Variants in ATP2B4 observed in about 807,000 individuals in gnomAD.
ATP2B4 encodes the protein plasma membrane calcium-transporting ATPase 4.
In ATP2B4, 39 loss-of-function variants were observed where a neutral mutation model predicts 110.3. The observed-to-expected ratio is 0.35, with a 90% CI of 0.27 to 0.46. The LOEUF is 0.46. Ranked by LOEUF, ATP2B4 falls within the 20% of genes least tolerant of loss-of-function variation. The pLI is 1.00. For synonymous variants in ATP2B4, 538 were observed against 571.7 expected (o/e 0.94, Z 0.84); for missense variants, 1,135 against 1,530.9 (o/e 0.74, Z 4.32).
intron 1 of ATP2B4, among the ~76,000 whole-genome samples, chr1:203,642,301 C>G (rs1354626184): frequency 6.6e-6 from 1 of 152,112 alleles, no homozygotes; most frequent in Non-Finnish European, 1.5e-5. Context: ...TCAGGCTGGT[C>G]TCAAACTTCT....
At chr1:203,717,199 A>G (rs921433190) in intron 15 of ATP2B4, among the ~76,000 whole-genome samples, 3 of 152,276 alleles carry the variant, frequency 2.0e-5, no homozygotes, top group Non-Finnish European at 2.9e-5. Context: ...CTCCATCTCA[A>G]AAAACAAAAG....
intron 2 of ATP2B4, among the ~76,000 whole-genome samples, chr1:203,693,897 G>A (rs1665457996): frequency 6.6e-6 from 1 of 152,202 alleles, no homozygotes; most frequent in African/African-American, 2.4e-5. Flanking sequence ...GGACAAGTTA[G>A]TCACACTAGA....
chr1:203,643,391 T>C (rs1041806154), intron 1 of ATP2B4, among the ~76,000 whole-genome samples: 4 of 152,186 alleles, frequency 2.6e-5, no homozygotes, highest in Non-Finnish European at 4.4e-5. Flanking sequence ...AAGGGTGCTA[T>C]CACTATTTGG....
At chr1:203,702,220 G>T in intron 7 of ATP2B4, 141 bp downstream of exon 7, 1 of 1,121,836 alleles carries the variant, frequency 8.9e-7, no homozygotes. Flanking sequence ...CCTGAGGAAG[G>T]TGCAGAGATT....
intron 20 of ATP2B4, chr1:203,733,167 C>T (rs1042157481): frequency 4.6e-6 from 7 of 1,507,888 alleles, no homozygotes; most frequent in African/African-American, 1.4e-5. Flanking sequence ...CCTCTTTCTT[C>T]ACCTCTCTCG....
chr1:203,709,320 G>A lies in ATP2B4; in HGVS notation c.1577G>A (p.Gly526Asp). 6.2e-7 allele frequency: 1 copy of A among 1,614,188 alleles called. No homozygotes were observed. Among genetic ancestry groups the A allele is most frequent in the Non-Finnish European group, 8.5e-7 (1 of 1,180,010 alleles). The part of the protein sequence containing the change: ...SKILPPEKEG[G>D]LPRQVGNKTE... ...TCCCAGCCTCCAGAGAAGGAGGGAG[G>A]CCTGCCTCGGCAGGTGGGCAACAAG... Residue 526 changes from glycine (G) to aspartate (D), a missense_variant, in exon 11 of 21, where the codon GGC becomes GAC. Gly to Asp is a moderately conservative substitution (Grantham distance 94, BLOSUM62 -1). This residue lies in a region of ATP2B4 where 368 missense variants were observed against 455.9 expected (regional missense o/e 0.81). Transcript: ENST00000357681.
rs758157258 is a variant in ATP2B4, at chr1:203,733,185, T to C, written c.3309+5614T>C. On this transcript the variant is annotated intron_variant, in intron 20 of 20. Coordinates refer to ENST00000357681, the MANE Select transcript of ATP2B4 (RefSeq NM_001684.5). ...CTTTCTTCACCTCTCTCGGACTGACTGTGGAGCAAAGCTGTCTCACTCTCT... is the reference window on the plus strand; with the variant it reads ...CTTTCTTCACCTCTCTCGGACTGACCGTGGAGCAAAGCTGTCTCACTCTCT... 8.2e-6 allele frequency: 13 copies of C among 1,583,116 alleles called. No individual in the cohort carries two copies. The South Asian group carries it at 1.1e-4, about 14-fold the overall frequency.
At chr1:203,705,926 A>C (rs1665835640) in intron 8 of ATP2B4, among the ~76,000 whole-genome samples, 1 of 152,188 alleles carries the variant, frequency 6.6e-6, no homozygotes, top group African/African-American at 2.4e-5. Flanking sequence ...CAAAGAACGG[A>C]AGAATTTGCT....
intron 1 of ATP2B4, among the ~76,000 whole-genome samples, chr1:203,672,631 G>C (rs994860288): frequency 1.3e-5 from 2 of 152,128 alleles, no homozygotes; most frequent in East Asian, 3.9e-4. Context: ...GGAACCGTGG[G>C]GGATGGCAGG....
chr1:203,728,314 A>G, intron 20 of ATP2B4: 2 of 383,328 alleles, frequency 5.2e-6, no homozygotes, highest in South Asian at 4.0e-5. Context: ...TCCACTTTCC[A>G]TGCATCAATT....
intron 9 of ATP2B4, among the ~76,000 whole-genome samples, chr1:203,707,587 T>C (rs1028576409): frequency 6.6e-6 from 1 of 152,120 alleles, no homozygotes; most frequent in African/African-American, 2.4e-5. Context: ...TGCACCACCA[T>C]GCCCAGTTAC....
At position 203,645,166 on chromosome 1, in the gene ATP2B4, C is replaced by T. The variant is rs574254908; in HGVS notation, c.-465+17947C>T. On this transcript the variant is annotated intron_variant, in intron 1 of 20. Coordinates refer to ENST00000357681, the MANE Select transcript of ATP2B4 (RefSeq NM_001684.5). ...TATCTCCTGCACCTAGTGCTATAAACAGTTGTGTTTCAGAGCTCCCCAGGC... is the reference window on the plus strand; with the variant it reads ...TATCTCCTGCACCTAGTGCTATAAATAGTTGTGTTTCAGAGCTCCCCAGGC... 4.6e-5 allele frequency among the ~76,000 whole-genome samples: 7 copies of T among 152,332 alleles called. No individual in the cohort carries two copies. The South Asian group carries it at 1.2e-3, about 27-fold the overall frequency.
At chr1:203,649,892 C>T (rs537666834) in intron 1 of ATP2B4, among the ~76,000 whole-genome samples, 25 of 152,198 alleles carry the variant, frequency 1.6e-4, no homozygotes, top group African/African-American at 5.8e-4. Context: ...ATGTCACACT[C>T]GCCACTCTGG....
At chr1:203,721,511 G>A (rs996648779) in intron 17 of ATP2B4, 101 bp downstream of exon 17, 78 of 1,208,448 alleles carry the variant, frequency 6.5e-5, no homozygotes, top group Admixed American at 2.0e-4. Context: ...AGGAATAAGC[G>A]CAGCTTCACC....
chr1:203,704,244 C>A (rs1251358799), intron 8 of ATP2B4, among the ~76,000 whole-genome samples: 4 of 152,022 alleles, frequency 2.6e-5, no homozygotes, highest in Non-Finnish European at 4.4e-5. Flanking sequence ...GCAATAAATA[C>A]CAAGTAAGGA....
At chr1:203,683,670 T>TC (rs1665087566) in intron 2 of ATP2B4, among the ~76,000 whole-genome samples, 1 of 138,460 alleles carries the variant, frequency 7.2e-6, no homozygotes, top group Non-Finnish European at 1.6e-5. Context: ...TTGTTTCTTT[T>TC]TTTTTTTTTT....
intron 1 of ATP2B4, among the ~76,000 whole-genome samples, chr1:203,674,456 A>C (rs4462216): frequency 6.6e-6 from 1 of 151,604 alleles, no homozygotes; most frequent in East Asian, 1.9e-4. Flanking sequence ...CTCTGGGCCT[A>C]AGGGACTGCC....
At chr1:203,648,508 T>C (rs143405545) in intron 1 of ATP2B4, among the ~76,000 whole-genome samples, 103 of 152,172 alleles carry the variant, frequency 6.8e-4, no homozygotes, top group African/African-American at 1.3e-3. Flanking sequence ...CAGCCCGAGG[T>C]GCCAGCCTCT....
chr1:203,672,067 GCT>G (rs1459068340), intron 1 of ATP2B4, among the ~76,000 whole-genome samples: 1 of 152,222 alleles, frequency 6.6e-6, no homozygotes, highest in Non-Finnish European at 1.5e-5. Flanking sequence ...AGACAAAGTG[GCT>G]TTGTCTCTTA....
Sources: allele counts gnomAD v4.1 joint callset (sites outside exome capture counted in the v4.1 genomes callset), GRCh38; gene constraint gnomAD v4.1.1; regional missense constraint gnomAD v4.1.1; transcripts MANE v1.5; gene names NCBI Gene and HGNC (gene_info 2026-07-23, HGNC 2026-07-21).